The following SLC16A2 variants were observed in gnomAD, a reference collection of about 807,000 sequenced individuals.
The protein encoded by SLC16A2 is monocarboxylate transporter 8.
In SLC16A2, 3 loss-of-function variants were observed where a neutral mutation model predicts 27.2. The ratio of observed to expected loss-of-function variants is 0.11; its 90% CI spans 0.05 to 0.28. SLC16A2 has a LOEUF of 0.28. SLC16A2 is among the 10% of genes least tolerant of loss of function. SLC16A2 has a pLI of 1.00. For missense variants in SLC16A2, 295 were observed against 458.5 expected (o/e 0.64, Z 3.26); for synonymous variants, 202 against 187.8 (o/e 1.08, Z -0.62).
intron 1 of SLC16A2, among the ~76,000 whole-genome samples, chrX:74,435,684 T>C (rs1928621649): frequency 9.3e-6 from 1 of 107,112 alleles, no homozygotes; most frequent in Non-Finnish European, 1.9e-5. Flanking sequence ...CAGCTTAAAG[T>C]TTAAGTGTAT....
intron 1 of SLC16A2, among the ~76,000 whole-genome samples, chrX:74,503,848 G>C (rs747022949): frequency 8.9e-6 from 1 of 112,249 alleles, no homozygotes; most frequent in Non-Finnish European, 1.9e-5. Flanking sequence ...GTGTGACCTA[G>C]TCTACTTACC....
chrX:74,528,216 ATGACCTGGCTC>A (rs951857510), intron 4 of SLC16A2, among the ~76,000 whole-genome samples: 5 of 111,252 alleles, frequency 4.5e-5, no homozygotes, highest in African/African-American at 1.6e-4. Flanking sequence ...TGACCCTGGG[ATGACCTGGCTC>A]TGACCTGGCT....
At chrX:74,460,206 G>A (rs62611941) in intron 1 of SLC16A2, among the ~76,000 whole-genome samples, 2,206 of 111,851 alleles carry the variant, frequency 0.02, 29 homozygotes, top group Middle Eastern at 0.037. Flanking sequence ...CTCTGAAATC[G>A]TCCCAGCATT....
intron 1 of SLC16A2, among the ~76,000 whole-genome samples, chrX:74,424,607 A>G (rs762453124): frequency 3.6e-4 from 40 of 112,161 alleles, no homozygotes; most frequent in African/African-American, 1.2e-3. Flanking sequence ...TCCAATAGCC[A>G]TTCTGGGAGA....
chrX:74,453,524 G>A (rs1353729415), intron 1 of SLC16A2, among the ~76,000 whole-genome samples: 1 of 111,169 alleles, frequency 9.0e-6, no homozygotes, highest in Non-Finnish European at 1.9e-5. Context: ...CTCTCAGAAG[G>A]TCATATTTAT....
At chrX:74,521,388 C>T (rs1361386216) in intron 2 of SLC16A2, among the ~76,000 whole-genome samples, 1 of 112,140 alleles carries the variant, frequency 8.9e-6, no homozygotes, top group Non-Finnish European at 1.9e-5. Flanking sequence ...CCTGGTAGTT[C>T]GTAGAGCTGG....
Position 74,496,515 on chromosome X carries a change from A to G in SLC16A2, c.431-24475A>G, listed in dbSNP as rs996032890. On this transcript the variant is annotated intron_variant, in intron 1 of 5. Coordinates refer to ENST00000587091, the MANE Select transcript of SLC16A2 (RefSeq NM_006517.5). ...CTAGCTCAGCAGGGGCAGATGCTCAAGAGAGGATTCTGATCCAGGGAGCTA... is the reference window on the plus strand; with the variant it reads ...CTAGCTCAGCAGGGGCAGATGCTCAGGAGAGGATTCTGATCCAGGGAGCTA... Among the ~76,000 whole-genome samples the G allele has an allele frequency of 5.4e-5, 6 of 112,122 alleles. 1 individual carries two copies. Among genetic ancestry groups the G allele is most frequent in the African/African-American group, 1.9e-4 (6 of 30,781 alleles).
intron 1 of SLC16A2, among the ~76,000 whole-genome samples, chrX:74,493,885 C>T (rs779634849): frequency 9.0e-6 from 1 of 111,634 alleles, no homozygotes; most frequent in South Asian, 3.8e-4. Context: ...ACCCCCATTC[C>T]CATCCCCCCA....
chrX:74,476,385 A>G (rs1929478334), intron 1 of SLC16A2, among the ~76,000 whole-genome samples: 1 of 112,002 alleles, frequency 8.9e-6, no homozygotes, highest in African/African-American at 3.3e-5. Flanking sequence ...GGTCTGAGAC[A>G]ATGGGATTTT....
intron 1 of SLC16A2, among the ~76,000 whole-genome samples, chrX:74,487,555 G>A (rs2147858376): frequency 8.9e-6 from 1 of 112,051 alleles, no homozygotes; most frequent in East Asian, 2.8e-4. Flanking sequence ...TGTGGGTCCT[G>A]CATTAACCCA....
intron 1 of SLC16A2, among the ~76,000 whole-genome samples, chrX:74,453,193 C>T (rs1223209324): frequency 9.1e-6 from 1 of 109,961 alleles, no homozygotes; most frequent in Non-Finnish European, 1.9e-5. Flanking sequence ...AGGTGCCACG[C>T]CTGGCTAATT....
At chrX:74,458,147 G>A (rs1231205857) in intron 1 of SLC16A2, among the ~76,000 whole-genome samples, 1 of 111,638 alleles carries the variant, frequency 9.0e-6, no homozygotes, top group East Asian at 2.8e-4. Context: ...GCAATATATA[G>A]TCACTTTGCT....
intron 1 of SLC16A2, among the ~76,000 whole-genome samples, chrX:74,429,506 G>C (rs1928493437): frequency 9.1e-6 from 1 of 110,347 alleles, no homozygotes; most frequent in South Asian, 3.9e-4. Flanking sequence ...GGAGGGTGGA[G>C]GTGGGGGAGT....
intron 1 of SLC16A2, among the ~76,000 whole-genome samples, chrX:74,430,478 A>G (rs967988031): frequency 1.8e-5 from 2 of 112,141 alleles, no homozygotes; most frequent in Non-Finnish European, 1.9e-5. Flanking sequence ...GTCTCATGAT[A>G]CATGGCATAC....
At chrX:74,505,548 G>A (rs908051996) in intron 1 of SLC16A2, among the ~76,000 whole-genome samples, 2 of 112,165 alleles carry the variant, frequency 1.8e-5, no homozygotes, top group African/African-American at 6.5e-5. Context: ...TGGCCTAAGT[G>A]GTCTCTTGAG....
chrX:74,442,177 G>A (rs1928761121), intron 1 of SLC16A2, among the ~76,000 whole-genome samples: 1 of 99,236 alleles, frequency 1.0e-5, no homozygotes, highest in African/African-American at 3.8e-5. Context: ...GCCGTGAGCC[G>A]AGATCACGCC....
chrX:74,421,941 G>T lies in SLC16A2; in HGVS notation c.304G>T (p.Val102Leu). The change falls in exon 1 of 6, where the codon GTG becomes TTG. Residue 102 changes from valine to leucine, a missense_variant. Around this residue, in one of 3 missense-constraint regions of SLC16A2, gnomAD observed 59 missense variants for 153.6 expected, o/e 0.38. Transcript: ENST00000587091. Reference sequence around the variant, plus strand: ...GCCTCCCGAAGGTGGCTTCGGCTGGGTGGTGGTGTTCGCTGCCACCTGGTG... The same window carrying T: ...GCCTCCCGAAGGTGGCTTCGGCTGGTTGGTGGTGTTCGCTGCCACCTGGTG... Reference protein sequence around the residue: ...FQPPEGGFGWVVVFAATWCNG... With the variant: ...FQPPEGGFGWLVVFAATWCNG... 8.3e-7 allele frequency: 1 copy of T among 1,211,423 alleles called. No homozygotes were observed. The highest frequency in any genetic ancestry group is 1.8e-5 in the South Asian group (1 of 56,903).
chrX:74,467,218 C>G (rs1329531502), intron 1 of SLC16A2, among the ~76,000 whole-genome samples: 1 of 111,840 alleles, frequency 8.9e-6, no homozygotes, highest in Admixed American at 9.5e-5. Context: ...TAGATATAAT[C>G]TTTTCAGAAC....
intron 1 of SLC16A2, among the ~76,000 whole-genome samples, chrX:74,489,970 TACACACACACACAC>T (rs55975734): frequency 1.1e-5 from 1 of 87,146 alleles, no homozygotes; most frequent in Non-Finnish European, 2.2e-5. Flanking sequence ...GTCACACACA[TACACACACACACAC>T]ACACACACAC....
Sources: allele counts gnomAD v4.1 joint callset (sites outside exome capture counted in the v4.1 genomes callset), GRCh38; gene constraint gnomAD v4.1.1; regional missense constraint gnomAD v4.1.1; transcripts MANE v1.5; gene names NCBI Gene and HGNC (gene_info 2026-07-23, HGNC 2026-07-21).